CTNNA3: variants seen among roughly 807,000 people sequenced by gnomAD.
CTNNA3 encodes the protein catenin alpha-3.
Under a neutral mutation model 95.7 loss-of-function variants are expected in CTNNA3, and 76 were observed. The ratio of observed to expected loss-of-function variants is 0.79; its 90% CI spans 0.66 to 0.96. The LOEUF is 0.96. Among genes scored for constraint, CTNNA3 ranks in the 40% least tolerant of loss-of-function variants. The pLI is 0.00. For missense variants in CTNNA3, 1,191 were observed against 1,089.8 expected (o/e 1.09, Z -1.31); for synonymous variants, 431 against 374.4 (o/e 1.15, Z -1.74).
Position 67,746,627 on chromosome 10 carries a change from C to T in CTNNA3, c.-2+16807G>A, listed in dbSNP as rs149861485. ...AGCCCCCACCTGCAGCCAAGGGAGA[C>T]GGTGAGCAGTCGTGCTACCCAGCCT... On this transcript the variant is annotated intron_variant, in intron 1 of 17. Coordinates refer to the CTNNA3 transcript ENST00000684154. Among the ~76,000 whole-genome samples the T allele has an allele frequency of 2.4e-4, 37 of 152,276 alleles. No homozygotes were observed. The East Asian group carries it at 3.1e-3, about 13-fold the overall frequency.
rs530516119 is a variant in CTNNA3, at chr10:67,000,444, A to G, written c.1047+179873T>C. Among the ~76,000 whole-genome samples, 416 of 152,290 alleles carry G rather than the reference A, an allele frequency of 2.7e-3. 2 individuals are homozygous for G. The highest frequency in any genetic ancestry group is 9.3e-3 in the African/African-American group (388 of 41,570). Reference sequence around the variant, plus strand: ...ACTTATTGTGATGATGTTGACTGCTACCTAGTTAGTTCTATGAGAGACAAC... The same window carrying G: ...ACTTATTGTGATGATGTTGACTGCTGCCTAGTTAGTTCTATGAGAGACAAC... On this transcript the variant is annotated intron_variant, in intron 7 of 17. Transcript: ENST00000433211.
chr10:66,889,152 G>T (rs559599757), intron 7 of CTNNA3, among the ~76,000 whole-genome samples: 5 of 152,136 alleles, frequency 3.3e-5, no homozygotes, highest in Non-Finnish European at 7.4e-5. Context: ...CAACTATAAC[G>T]TTCTTGGAAA....
intron 15 of CTNNA3, among the ~76,000 whole-genome samples, chr10:65,995,181 C>A (rs1395088193): frequency 6.6e-6 from 1 of 151,796 alleles, no homozygotes; most frequent in African/African-American, 2.4e-5. Context: ...TAATATCTTG[C>A]TGGACAATTA....
chr10:66,391,391 A>G (rs985631174), intron 11 of CTNNA3, among the ~76,000 whole-genome samples: 2 of 152,122 alleles, frequency 1.3e-5, no homozygotes, highest in Non-Finnish European at 2.9e-5. Context: ...CAACTTGTGT[A>G]GTTGTTAAGA....
chr10:67,287,963 T>A (rs1448796028), intron 5 of CTNNA3, among the ~76,000 whole-genome samples: 1 of 152,184 alleles, frequency 6.6e-6, no homozygotes, highest in Non-Finnish European at 1.5e-5. Context: ...TAGCCCCTTC[T>A]CTAATTGACA....
chr10:66,342,564 G>C (rs2092464760), intron 12 of CTNNA3, among the ~76,000 whole-genome samples: 1 of 151,900 alleles, frequency 6.6e-6, no homozygotes, highest in African/African-American at 2.4e-5. Context: ...ATGTTGCATA[G>C]AACATATGAA....
chr10:66,771,227 TAA>T (rs1282172746), intron 8 of CTNNA3, among the ~76,000 whole-genome samples: 1 of 152,158 alleles, frequency 6.6e-6, no homozygotes, highest in Non-Finnish European at 1.5e-5. Context: ...ATTTATGAAA[TAA>T]AAGACATTTT....
chr10:66,201,192 A>T (rs548328374), intron 13 of CTNNA3, among the ~76,000 whole-genome samples: 8 of 152,178 alleles, frequency 5.3e-5, no homozygotes, highest in Non-Finnish European at 1.0e-4. Flanking sequence ...ACTGTTCTTT[A>T]CTCACTACCC....
At chr10:66,431,750 G>T (rs1014603444) in intron 11 of CTNNA3, among the ~76,000 whole-genome samples, 23 of 121,792 alleles carry the variant, frequency 1.9e-4, no homozygotes, top group Non-Finnish European at 3.1e-4. Flanking sequence ...CCTGTTGTGG[G>T]GTGGGGGGAG....
rs557547474 is a variant in CTNNA3, at chr10:66,278,189, A to AT, written c.1884+2280dup. ...AAGGATGCATACATAGGCATACAAGATAAAAAAAAGGAAAAGGAAGTCAAC... is the reference window on the plus strand; with the variant it reads ...AAGGATGCATACATAGGCATACAAGATTAAAAAAAAGGAAAAGGAAGTCAAC... On this transcript the variant is annotated intron_variant, in intron 13 of 17. Transcript: ENST00000433211. 5.5e-4 allele frequency among the ~76,000 whole-genome samples: 71 copies of AT among 128,960 alleles called. No individual in the cohort carries two copies. The South Asian group carries it at 0.014, about 26-fold the overall frequency. The allele number at this position is 128,960 out of a possible 152,430, so 84.6% of individuals were successfully genotyped here. A position where few individuals can be genotyped will look rare whatever the true frequency, so the allele number is the denominator to read the frequency against.
At chr10:66,236,044 C>T (rs1374970122) in intron 13 of CTNNA3, among the ~76,000 whole-genome samples, 1 of 152,076 alleles carries the variant, frequency 6.6e-6, no homozygotes, top group African/African-American at 2.4e-5. Context: ...AATTTTAAGT[C>T]TCTCCCCTTG....
intron 5 of CTNNA3, among the ~76,000 whole-genome samples, chr10:67,228,900 T>C (rs1295238638): frequency 1.3e-5 from 2 of 152,018 alleles, no homozygotes; most frequent in African/African-American, 2.4e-5. Flanking sequence ...ATTCAAAGAA[T>C]TAGTACCAAC....
intron 5 of CTNNA3, among the ~76,000 whole-genome samples, chr10:67,324,096 A>AGG (rs1196679203): frequency 1.3e-5 from 2 of 152,200 alleles, no homozygotes; most frequent in African/African-American, 4.8e-5. Flanking sequence ...AAACTGTTGA[A>AGG]GTCGCTTATC....
intron 3 of CTNNA3, among the ~76,000 whole-genome samples, chr10:67,605,444 A>G (rs1375946875): frequency 6.6e-6 from 1 of 152,188 alleles, no homozygotes; most frequent in African/African-American, 2.4e-5. Flanking sequence ...CTAGAAATCT[A>G]GTACACAACA....
At chr10:66,639,955 T>G (rs1164286082) in intron 9 of CTNNA3, among the ~76,000 whole-genome samples, 2 of 152,140 alleles carry the variant, frequency 1.3e-5, no homozygotes, top group Non-Finnish European at 2.9e-5. Context: ...ACGGATGAAC[T>G]GTGCACCTCT....
intron 10 of CTNNA3, among the ~76,000 whole-genome samples, chr10:66,609,083 A>G (rs1844236081): frequency 6.6e-6 from 1 of 151,594 alleles, no homozygotes; most frequent in Non-Finnish European, 1.5e-5. Context: ...TTTTTGAGAC[A>G]GAGTCTCACT....
At chr10:66,210,663 A>C (rs1050025670) in intron 13 of CTNNA3, among the ~76,000 whole-genome samples, 3 of 152,248 alleles carry the variant, frequency 2.0e-5, no homozygotes, top group African/African-American at 7.2e-5. Flanking sequence ...ATTGCATTAA[A>C]TAAAATAGCA....
At chr10:66,138,226 T>C (rs1032034559) in intron 13 of CTNNA3, among the ~76,000 whole-genome samples, 1 of 152,124 alleles carries the variant, frequency 6.6e-6, no homozygotes, top group Admixed American at 6.5e-5. Flanking sequence ...TCCAGAACAA[T>C]TATTTTAGTT....
intron 10 of CTNNA3, among the ~76,000 whole-genome samples, chr10:66,536,337 C>T (rs1001034045): frequency 6.6e-5 from 10 of 151,962 alleles, no homozygotes; most frequent in South Asian, 4.2e-4. Flanking sequence ...CAAAAAGTAG[C>T]TAGGCATGGT....
Sources: gnomAD v4.1 joint callset for allele counts (sites outside exome capture counted in the v4.1 genomes callset) on GRCh38, gnomAD v4.1.1 for gene constraint, MANE v1.5 for transcripts, NCBI Gene and HGNC (gene_info 2026-07-23, HGNC 2026-07-21) for gene names.